Variants in TENM3 observed in about 807,000 individuals in gnomAD.
The protein encoded by TENM3 is teneurin-3.
A neutral mutation model predicts 255.1 loss-of-function variants in TENM3; 63 were observed. That is an observed-to-expected ratio of 0.25 (90% confidence interval 0.20 to 0.30). TENM3 has a LOEUF of 0.30. Among genes scored for constraint, TENM3 ranks in the 10% least tolerant of loss-of-function variants. The pLI is 1.00. For missense variants in TENM3, 2,929 were observed against 3,461.1 expected (o/e 0.85, Z 3.86); for synonymous variants, 1,306 against 1,322.3 (o/e 0.99, Z 0.27).
chr4:181,574,532 C>T, the TENM3 span, among the ~76,000 whole-genome samples: 1 of 147,704 alleles, frequency 6.8e-6, no homozygotes, highest in Non-Finnish European at 1.5e-5. Flanking sequence ...AGCGAGACTC[C>T]GTCTCAAAAA....
intron 6 of TENM3, among the ~76,000 whole-genome samples, chr4:182,659,352 C>T (rs773519041): frequency 6.6e-6 from 1 of 151,992 alleles, no homozygotes; most frequent in Admixed American, 6.6e-5. Context: ...ATTCACTTAA[C>T]TTTCATTGCA....
chr4:182,594,685 T>G (rs796117282), intron 3 of TENM3, among the ~76,000 whole-genome samples: 14 of 4,654 alleles, frequency 3.0e-3, no homozygotes, highest in African/African-American at 6.3e-3. Context: ...TTTGTTTTGG[T>G]GTGTGTGTGT....
At chr4:182,544,433 C>G (rs973355269) in intron 3 of TENM3, among the ~76,000 whole-genome samples, 1 of 145,136 alleles carries the variant, frequency 6.9e-6, no homozygotes, top group South Asian at 2.2e-4. Context: ...CGGGTTCAAG[C>G]GACTCTCCTA....
chr4:181,728,341 A>G, the TENM3 span, among the ~76,000 whole-genome samples: 4 of 152,264 alleles, frequency 2.6e-5, no homozygotes, highest in Admixed American at 2.0e-4. Context: ...AGAAAGTAAA[A>G]CAGTAAACAA....
intron 3 of TENM3, among the ~76,000 whole-genome samples, chr4:182,354,009 A>G (rs894388182): frequency 6.6e-6 from 1 of 152,178 alleles, no homozygotes; most frequent in Non-Finnish European, 1.5e-5. Context: ...ATCCTAAAAA[A>G]TTTAGTATTA....
chr4:182,449,710 A>G (rs114206292), intron 3 of TENM3, among the ~76,000 whole-genome samples: 1 of 152,250 alleles, frequency 6.6e-6, no homozygotes. Context: ...AAGCTTGCTC[A>G]TTAAAGAGCA....
At chr4:182,224,733 A>G (rs546328123) in intron 1 of TENM3, among the ~76,000 whole-genome samples, 1 of 148,706 alleles carries the variant, frequency 6.7e-6, no homozygotes, top group East Asian at 2.0e-4. Context: ...TTTCAGTCAG[A>G]TATCTTTTTT....
At chr4:181,549,308 G>A in the TENM3 span, among the ~76,000 whole-genome samples, 6 of 152,196 alleles carry the variant, frequency 3.9e-5, no homozygotes. Flanking sequence ...TCGCCAGGAG[G>A]ATGACTCACA....
chr4:181,880,251 T>A, the TENM3 span, among the ~76,000 whole-genome samples: 1 of 152,186 alleles, frequency 6.6e-6, no homozygotes, highest in East Asian at 1.9e-4. Flanking sequence ...GTCTTATTGA[T>A]TTATAAAACG....
At chr4:182,021,539 T>A in the TENM3 span, among the ~76,000 whole-genome samples, 7 of 152,156 alleles carry the variant, frequency 4.6e-5, no homozygotes, top group Non-Finnish European at 1.0e-4. Flanking sequence ...CTCTAGTATA[T>A]CCTTCCATAG....
chr4:182,232,743 T>G (rs1253824691), intron 1 of TENM3, among the ~76,000 whole-genome samples: 1 of 152,030 alleles, frequency 6.6e-6, no homozygotes, highest in Non-Finnish European at 1.5e-5. Context: ...TGGGGGTATG[T>G]GTTCCAGGAC....
At chr4:181,518,132 C>T in the TENM3 span, among the ~76,000 whole-genome samples, 1 of 152,122 alleles carries the variant, frequency 6.6e-6, no homozygotes, top group Non-Finnish European at 1.5e-5. Flanking sequence ...TTTAATTTCT[C>T]AAGCCTCTAG....
At chr4:182,289,037 C>G (rs1342981407) in intron 1 of TENM3, among the ~76,000 whole-genome samples, 2 of 151,310 alleles carry the variant, frequency 1.3e-5, no homozygotes, top group African/African-American at 2.4e-5. Flanking sequence ...CTAGCCTGGG[C>G]AACACAGCAA....
In TENM3 at chr4:182,800,128, A is replaced by AGCGCGCGCTCGCCCGGGCCTGG; in HGVS notation, c.7885_7906dup (p.Glu2636AlafsTer108). 6.7e-7 allele frequency: 1 copy of AGCGCGCGCTCGCCCGGGCCTGG among 1,482,898 alleles called. No individual in the cohort carries two copies. The highest frequency in any genetic ancestry group is 8.9e-7 in the Non-Finnish European group (1 of 1,126,194). The allele number at this position is 1,482,898 out of a possible 1,614,324, so 91.9% of individuals were successfully genotyped here. ...GCGCGCATCCTGGAGCAGGCGCGGCAGCGCGCGCTCGCCCGGGCCTGGGCG... is the reference window on the plus strand; with the variant it reads ...GCGCGCATCCTGGAGCAGGCGCGGCAGCGCGCGCTCGCCCGGGCCTGGGCGCGCGCTCGCCCGGGCCTGGGCG... On this transcript the variant is annotated frameshift_variant, in exon 28 of 28. Transcript: ENST00000511685. LOFTEE classifies it high-confidence loss of function.
At chr4:181,557,937 A>G in the TENM3 span, among the ~76,000 whole-genome samples, 2 of 152,240 alleles carry the variant, frequency 1.3e-5, no homozygotes, top group Non-Finnish European at 2.9e-5. Flanking sequence ...AGGAACTTTC[A>G]GGTCTATCGA....
Position 182,416,441 on chromosome 4 carries a change from C to A in TENM3, c.511+69512C>A, listed in dbSNP as rs566865260. Among the ~76,000 whole-genome samples the A allele has an allele frequency of 6.6e-5, 10 of 151,638 alleles. No homozygotes were observed. The South Asian group carries it at 1.9e-3, about 29-fold the overall frequency. ...TTGCTTTCTTAAAAAAAAAAAGAAA[C>A]CTTTAATAGAGCTCTAACCTTTAAA... On this transcript the variant is annotated intron_variant, in intron 3 of 27. Transcript: ENST00000511685.
the TENM3 span, among the ~76,000 whole-genome samples, chr4:181,829,568 A>G: frequency 6.6e-6 from 1 of 152,174 alleles, no homozygotes; most frequent in Non-Finnish European, 1.5e-5. Context: ...TGCTCATAAT[A>G]TTGATTGGTA....
At chr4:182,763,755 G>C (rs1472238062) in intron 22 of TENM3, among the ~76,000 whole-genome samples, 2 of 152,148 alleles carry the variant, frequency 1.3e-5, no homozygotes, top group Non-Finnish European at 2.9e-5. Context: ...ACTATTCCTA[G>C]AGAAGTCAAA....
At chr4:181,976,114 A>G in the TENM3 span, 1 of 152,124 alleles carries the variant, frequency 6.6e-6, no homozygotes, top group Admixed American at 6.6e-5. Context: ...TAATGACCTC[A>G]TTTTAATATG....
Sources: allele counts gnomAD v4.1 joint callset (sites outside exome capture counted in the v4.1 genomes callset), GRCh38; gene constraint gnomAD v4.1.1; transcripts MANE v1.5; gene names NCBI Gene and HGNC (gene_info 2026-07-23, HGNC 2026-07-21).